ITSN1: variants seen among roughly 807,000 people sequenced by gnomAD.
The protein encoded by ITSN1 is intersectin-1.
A neutral mutation model predicts 239.8 loss-of-function variants in ITSN1; 58 were observed. The observed-to-expected ratio is 0.24, with a 90% confidence interval of 0.20 to 0.30. The LOEUF is 0.30. ITSN1 is among the 10% of genes least tolerant of loss of function. The pLI, the probability that ITSN1 is intolerant of heterozygous loss-of-function variation, is 1.00. For missense variants in ITSN1, 1,558 were observed against 2,103.3 expected, an observed-to-expected ratio of 0.74 and a Z score of 5.07; for synonymous variants, 780 against 770.8, an observed-to-expected ratio of 1.01 and a Z score of -0.20.
Position 33,721,183 on chromosome 21 carries a change from C to T in ITSN1, c.34C>T (p.Leu12=), listed in dbSNP as rs1230062405. The T allele has an allele frequency of 6.2e-7, 1 of 1,611,602 alleles. No homozygotes were observed. The highest frequency in any genetic ancestry group is 8.5e-7 in the Non-Finnish European group (1 of 1,177,940). ...GTCTTTTCTTTGGATTTTAGGCAGC[C>T]TGGATATCTGGGCCATAACTGTAGA... The part of the protein sequence containing the change: ...AQFPTPFGGS[L]DIWAITVEER... Residue 12 remains leucine, a synonymous_variant, in exon 3 of 40, where the codon CTG becomes TTG. Coordinates refer to ENST00000381318, the MANE Select transcript of ITSN1 (RefSeq NM_003024.3).
intron 1 of ITSN1, among the ~76,000 whole-genome samples, chr21:33,673,976 G>GAT (rs1393914414): frequency 2.0e-5 from 3 of 152,218 alleles, no homozygotes; most frequent in African/African-American, 7.2e-5. Context: ...TAGCACACCT[G>GAT]ATAGTTGTAT....
At chr21:33,669,373 A>G (rs8131106) in intron 1 of ITSN1, among the ~76,000 whole-genome samples, 6,707 of 151,472 alleles carry the variant, frequency 0.044, 498 homozygotes, top group African/African-American at 0.16. Flanking sequence ...GTGAGCCACC[A>G]TGCCTGGCCC....
intron 1 of ITSN1, among the ~76,000 whole-genome samples, chr21:33,673,390 A>G (rs2090415745): frequency 6.6e-6 from 1 of 151,452 alleles, no homozygotes; most frequent in African/African-American, 2.5e-5. Flanking sequence ...TACTCTTAAC[A>G]CACACACGTA....
At chr21:33,701,544 G>A (rs2092010463) in intron 1 of ITSN1, among the ~76,000 whole-genome samples, 2 of 151,890 alleles carry the variant, frequency 1.3e-5, no homozygotes, top group African/African-American at 4.8e-5. Flanking sequence ...TGTAATCCCA[G>A]CACTTTGAGA....
chr21:33,740,107 A>G (rs1337079641), intron 5 of ITSN1, among the ~76,000 whole-genome samples: 2 of 152,230 alleles, frequency 1.3e-5, no homozygotes, highest in South Asian at 2.1e-4. Context: ...GATGGATGGT[A>G]TAAGTGTATA....
Position 33,882,752 on chromosome 21 carries a change from G to T in ITSN1, c.4554+297G>T, listed in dbSNP as rs1985132723. Among the ~76,000 whole-genome samples the T allele has an allele frequency of 6.6e-6, 1 of 152,136 alleles. No homozygotes were observed. The highest frequency in any genetic ancestry group is 2.1e-4 in the South Asian group (1 of 4,832). ...GGAGCGAAGTCTAGGGTACAGATGA[G>T]GCAGGTGTGAAAAAGCTCGGGAGAA... On this transcript the variant is annotated intron_variant, in intron 35 of 39. Coordinates refer to ENST00000381318, the MANE Select transcript of ITSN1 (RefSeq NM_003024.3). This position sits in a 1 kb window ranked among gnomAD's most constrained non-coding sequence, Gnocchi z 4.5.
At chr21:33,669,857 C>T (rs2090158975) in intron 1 of ITSN1, among the ~76,000 whole-genome samples, 1 of 151,688 alleles carries the variant, frequency 6.6e-6, no homozygotes, top group African/African-American at 2.4e-5. Flanking sequence ...ATCATTTGTT[C>T]GTATGCCCAA....
rs138599992 is a variant in ITSN1, at chr21:33,751,757, G to A, written c.527-53G>A. 508 of 1,367,602 alleles carry A rather than the reference G, an allele frequency of 3.7e-4. 3 individuals carry two copies. In the African/African-American group the frequency reaches 6.8e-3, roughly 18 times the overall value. The allele number at this position is 1,367,602 out of a possible 1,614,324, so 84.7% of individuals were successfully genotyped here. On this transcript the variant is annotated intron_variant, in intron 6 of 39. Transcript: ENST00000381318. ...GTGCATTTTAATTTTTGTAAATTGG[G>A]GAAAGTTTCTTATCTTTGTAGAATT...
intron 25 of ITSN1, among the ~76,000 whole-genome samples, chr21:33,824,060 C>T (rs568501345): frequency 3.3e-4 from 50 of 152,260 alleles, no homozygotes; most frequent in African/African-American, 1.1e-3. Context: ...TGGTGATAAT[C>T]GCCCCAGAAT....
chr21:33,839,504 C>T (rs532812796), intron 29 of ITSN1, among the ~76,000 whole-genome samples: 9 of 152,198 alleles, frequency 5.9e-5, no homozygotes, highest in East Asian at 3.9e-4. Context: ...CAGGGGTGGG[C>T]GGGGAGATCC....
intron 5 of ITSN1, among the ~76,000 whole-genome samples, chr21:33,739,204 G>A (rs983032165): frequency 1.3e-5 from 2 of 152,192 alleles, no homozygotes; most frequent in Non-Finnish European, 2.9e-5. Context: ...AAAATGGGGT[G>A]CAGTGATACT....
chr21:33,823,052 C>T (rs1200244042), intron 24 of ITSN1, among the ~76,000 whole-genome samples: 1 of 152,190 alleles, frequency 6.6e-6, no homozygotes, highest in Non-Finnish European at 1.5e-5. Context: ...AACTGAAATA[C>T]ACATATTTAA....
chr21:33,720,287 A>G (rs1424364527), intron 2 of ITSN1, among the ~76,000 whole-genome samples: 2 of 152,182 alleles, frequency 1.3e-5, no homozygotes, highest in South Asian at 2.1e-4. Flanking sequence ...GAGAGATGCA[A>G]TGTTTAGATG....
At position 33,858,769 on chromosome 21, in the gene ITSN1, T is replaced by A. The variant is rs1407417753; in HGVS notation, c.3867T>A (p.Ile1289=). 1.2e-6 allele frequency: 2 copies of A among 1,611,384 alleles called. No individual in the cohort carries two copies. The highest frequency in any genetic ancestry group is 1.7e-6 in the Non-Finnish European group (2 of 1,177,756). The change falls in exon 31 of 40, where the codon ATT becomes ATA. Residue 1289 remains isoleucine (I), a synonymous_variant. Coordinates refer to ENST00000381318, the MANE Select transcript of ITSN1 (RefSeq NM_003024.3). ...AMIFVNWKEL[I]MCNIKLLKAL... is the part of the protein sequence containing the mutation. ...TTTTTGTGAACTGGAAGGAGCTGAT[T>A]ATGTGTAATATCAAACTACTAAAGT...
intron 36 of ITSN1, among the ~76,000 whole-genome samples, chr21:33,883,941 C>T (rs1985372821): frequency 6.8e-6 from 1 of 147,570 alleles, no homozygotes; most frequent in South Asian, 2.2e-4. Flanking sequence ...ACTCTGTCAC[C>T]CAGGCTGGAG....
At chr21:33,654,636 A>G (rs2146179691) in intron 1 of ITSN1, among the ~76,000 whole-genome samples, 1 of 152,256 alleles carries the variant, frequency 6.6e-6, no homozygotes, top group East Asian at 1.9e-4. Context: ...ACCTGGCCCA[A>G]TCAGTGTTCG....
intron 36 of ITSN1, 83 bp from the exon 37 acceptor site, chr21:33,884,958 A>T (rs1279507367): frequency 1.5e-5 from 14 of 918,862 alleles, no homozygotes; most frequent in Non-Finnish European, 2.3e-5. Context: ...AAAGAAACAG[A>T]GTCCTGGCAA....
At chr21:33,862,921 C>T (rs746017019) in intron 31 of ITSN1, among the ~76,000 whole-genome samples, 1 of 151,196 alleles carries the variant, frequency 6.6e-6, no homozygotes, top group African/African-American at 2.5e-5. Flanking sequence ...GGGTTACAGA[C>T]ACTCATGTGT....
chr21:33,728,318 T>C (rs994924782), intron 4 of ITSN1, among the ~76,000 whole-genome samples: 3 of 152,172 alleles, frequency 2.0e-5, no homozygotes, highest in Middle Eastern at 3.4e-3. Context: ...CTGCAACCTC[T>C]GCCTCACAGC....
Sources: gnomAD v4.1 joint callset for allele counts (sites outside exome capture counted in the v4.1 genomes callset) on GRCh38, gnomAD v4.1.1 for gene constraint, Gnocchi (gnomAD v3.1) non-coding constraint, MANE v1.5 for transcripts, NCBI Gene and HGNC (gene_info 2026-07-23, HGNC 2026-07-21) for gene names.